COBL: variants seen among roughly 807,000 people sequenced by gnomAD.
The protein encoded by COBL is cordon-bleu WH2 repeat protein, also known as protein cordon-bleu.
A neutral mutation model predicts 98.8 loss-of-function variants in COBL; 51 were observed. That is an observed-to-expected ratio of 0.52 (90% CI 0.41 to 0.65). COBL has a LOEUF of 0.65. Ranked by LOEUF, COBL falls within the 30% of genes least tolerant of loss-of-function variation. The pLI is 0.00. For synonymous variants in COBL, 634 were observed against 651.7 expected (o/e 0.97, Z 0.41); for missense variants, 1,617 against 1,617.5 (o/e 1.00, Z 0.01).
chr7:51,098,236 T>TTTTTTTTTTTTTG (rs1433351343), intron 6 of COBL, among the ~76,000 whole-genome samples: 1 of 148,490 alleles, frequency 6.7e-6, no homozygotes, highest in Non-Finnish European at 1.5e-5. Flanking sequence ...TTTTTTTTTT[T>TTTTTTTTTTTTTG]GGAGAAATAG....
intron 5 of COBL, chr7:51,156,736 ACACAC>A: frequency 6.8e-6 from 1 of 146,696 alleles, no homozygotes; most frequent in South Asian, 2.4e-4. Context: ...ACACACACAC[ACACAC>A]AATGAACTGT....
rs770161143 is a variant in COBL, at chr7:51,085,153, G to A, written c.1096+13C>T. The A allele has an allele frequency of 5.6e-6, 9 of 1,613,562 alleles. No homozygotes were observed. In the South Asian group the frequency reaches 9.9e-5, roughly 18 times the overall value. ...CATCCCCGCATGCAGACGGCAGGCC[G>A]AGCCTCACTCACCCATCGTGCTCTT... On this transcript the variant is annotated intron_variant, in intron 7 of 12. Transcript: ENST00000265136.
rs766033325 is a variant in COBL at position 51,025,255 on chromosome 7, G to C, written c.3622C>G (p.Pro1208Ala). Residue 1208 changes from proline to alanine, a missense_variant, in exon 12 of 13, where the codon CCA becomes GCA. This residue lies in a region of COBL where 1,304 missense variants were observed against 1,282.0 expected (regional missense o/e 1.02). Coordinates refer to ENST00000265136, the MANE Select transcript of COBL (RefSeq NM_015198.5). ...GCCTGGGAGGGTGGAGGGGGTGGTG[G>C]GGGAATGGCTGGTGGGGACAGAAGA... ...LGLLSPPAIP[P>A]PPPPPSQALS... 6.2e-7 allele frequency: 1 copy of C among 1,609,248 alleles called. No homozygotes were observed. The highest frequency in any genetic ancestry group is 8.5e-7 in the Non-Finnish European group (1 of 1,178,568).
intron 6 of COBL, among the ~76,000 whole-genome samples, chr7:51,132,635 C>T (rs931688978): frequency 1.3e-5 from 2 of 152,160 alleles, no homozygotes; most frequent in Non-Finnish European, 2.9e-5. Context: ...GTCTGTGTTG[C>T]TCTAAAGAAA....
intron 6 of COBL, among the ~76,000 whole-genome samples, chr7:51,086,171 C>G (rs1794218939): frequency 6.6e-6 from 1 of 151,814 alleles, no homozygotes; most frequent in Admixed American, 6.6e-5. Flanking sequence ...GATTAAAGAA[C>G]ATTGTGTATA....
At chr7:51,261,539 C>T (rs772757670) in intron 1 of COBL, among the ~76,000 whole-genome samples, 7 of 152,180 alleles carry the variant, frequency 4.6e-5, no homozygotes, top group Non-Finnish European at 1.0e-4. Context: ...GCTAAGAACA[C>T]AGCAGTGTGA....
intron 1 of COBL, among the ~76,000 whole-genome samples, chr7:51,263,962 C>T (rs1436993438): frequency 6.6e-6 from 1 of 152,188 alleles, no homozygotes; most frequent in East Asian, 1.9e-4. Context: ...AGTGTCCCAA[C>T]TAGTTTTCAT....
chr7:51,069,948 T>G (rs1329649800), intron 7 of COBL, among the ~76,000 whole-genome samples: 2 of 152,164 alleles, frequency 1.3e-5, no homozygotes, highest in Admixed American at 6.5e-5. Context: ...TCTCAATAGA[T>G]CTAATCTCTT....
At chr7:51,204,912 T>C (rs1481919753) in intron 2 of COBL, among the ~76,000 whole-genome samples, 1 of 152,046 alleles carries the variant, frequency 6.6e-6, no homozygotes, top group Non-Finnish European at 1.5e-5. Context: ...AGTAGGAAAA[T>C]AGCAATAATA....
chr7:51,172,575 A>G lies in COBL; in HGVS notation c.783+11527T>C, dbSNP rs571139719. On this transcript the variant is annotated intron_variant, in intron 5 of 12. Transcript: ENST00000265136. Reference sequence around the variant, plus strand: ...CCACATCATCTCCAGGTGAAAGTTCAGACAGAAAACATAGTCCTTAGCGAT... The same window carrying G: ...CCACATCATCTCCAGGTGAAAGTTCGGACAGAAAACATAGTCCTTAGCGAT... 23 of 1,262,656 alleles carry G rather than the reference A, an allele frequency of 1.8e-5. No homozygotes were observed. In the East Asian group the frequency reaches 2.3e-4, roughly 12 times the overall value. The allele number at this position is 1,262,656 out of a possible 1,614,324, so 78.2% of individuals were successfully genotyped here.
chr7:51,281,647 A>T (rs755738530), intron 1 of COBL, among the ~76,000 whole-genome samples: 12 of 31,394 alleles, frequency 3.8e-4, no homozygotes, highest in East Asian at 9.6e-4. Context: ...GTACTGAGAT[A>T]AAAAAAAAAA....
intron 12 of COBL, among the ~76,000 whole-genome samples, chr7:51,023,671 C>A (rs558848205): frequency 1.3e-5 from 2 of 152,212 alleles, no homozygotes; most frequent in Non-Finnish European, 2.9e-5. Flanking sequence ...GGCTGCCGGC[C>A]GGGTGTGGGG....
chr7:51,021,644 T>G (rs900026150), intron 12 of COBL, among the ~76,000 whole-genome samples: 1 of 152,128 alleles, frequency 6.6e-6, no homozygotes, highest in Admixed American at 6.5e-5. Context: ...GCTTTAAAAG[T>G]CCAAAAGGTG....
intron 1 of COBL, among the ~76,000 whole-genome samples, chr7:51,287,595 T>C (rs1800487913): frequency 6.6e-6 from 1 of 152,208 alleles, no homozygotes; most frequent in Non-Finnish European, 1.5e-5. Context: ...TTAAACACTT[T>C]ATGCATATAG....
chr7:51,071,258 A>G (rs1281085285), intron 7 of COBL: 1 of 152,246 alleles, frequency 6.6e-6, no homozygotes, highest in African/African-American at 2.4e-5. Context: ...AGAAATGAGA[A>G]ACTTTCTGAA....
Position 51,070,172 on chromosome 7 carries a change from C to T in COBL, c.1096+14994G>A, listed in dbSNP as rs146956860. 2.6e-5 allele frequency among the ~76,000 whole-genome samples: 4 copies of T among 152,230 alleles called. No individual in the cohort carries two copies. The East Asian group carries it at 7.7e-4, about 29-fold the overall frequency. ...AGGGAGTTATTCGGCAAAAGGGTTA[C>T]CAATTATGCGTTGCTATTGGTGACA... On this transcript the variant is annotated intron_variant, in intron 7 of 12. Coordinates refer to ENST00000265136, the MANE Select transcript of COBL (RefSeq NM_015198.5).
chr7:51,252,020 C>T (rs1468836621), intron 1 of COBL, among the ~76,000 whole-genome samples: 1 of 152,118 alleles, frequency 6.6e-6, no homozygotes. Flanking sequence ...AAATAGGATC[C>T]TACATATAAT....
intron 1 of COBL, among the ~76,000 whole-genome samples, chr7:51,278,022 C>G (rs746735022): frequency 6.6e-6 from 1 of 152,168 alleles, no homozygotes; most frequent in Non-Finnish European, 1.5e-5. Flanking sequence ...AGAGACACAA[C>G]AAATCAACAG....
chr7:51,293,570 G>C (rs1174421310), intron 1 of COBL, among the ~76,000 whole-genome samples: 1 of 152,160 alleles, frequency 6.6e-6, no homozygotes, highest in Non-Finnish European at 1.5e-5. Context: ...AGAAACCTTT[G>C]AGCAGCAACA....
Sources: allele counts gnomAD v4.1 joint callset (sites outside exome capture counted in the v4.1 genomes callset), GRCh38; gene constraint gnomAD v4.1.1; regional missense constraint gnomAD v4.1.1; transcripts MANE v1.5; gene names NCBI Gene and HGNC (gene_info 2026-07-23, HGNC 2026-07-21).